NCOA3: variants seen among roughly 807,000 people sequenced by gnomAD.
The protein encoded by NCOA3 is CBP-interacting protein.
In NCOA3, 51 loss-of-function variants were observed where a neutral mutation model predicts 158.8. The ratio of observed to expected loss-of-function variants is 0.32; its 90% CI spans 0.26 to 0.41. The LOEUF (loss-of-function observed/expected upper bound fraction) is 0.41, where lower values mean the gene tolerates loss of function less well. Ranked by LOEUF, NCOA3 falls within the 10% of genes least tolerant of loss-of-function variation. The pLI is 1.00. For missense variants in NCOA3, 1,510 were observed against 1,746.6 expected (o/e 0.86, Z 2.41); for synonymous variants, 537 against 592.4 (o/e 0.91, Z 1.36).
chr20:47,601,691 A>T lies in NCOA3; in HGVS notation c.-20+18430A>T, dbSNP rs185990515. ...AACTTCTAATTGGAGTATGCTTTTG[A>T]ATCTGTGTAATATTTAACATATAAA... On this transcript the variant is annotated intron_variant, in intron 2 of 22. Coordinates refer to ENST00000371998, the MANE Select transcript of NCOA3 (RefSeq NM_181659.3). Among the ~76,000 whole-genome samples, 11 of 152,308 alleles carry T rather than the reference A, an allele frequency of 7.2e-5. No homozygotes were observed. In the East Asian group the frequency reaches 2.1e-3, roughly 29 times the overall value.
chr20:47,650,546 A>G (rs1181780879), intron 19 of NCOA3, among the ~76,000 whole-genome samples: 1 of 150,946 alleles, frequency 6.6e-6, no homozygotes, highest in Non-Finnish European at 1.5e-5. Context: ...CCACTGCACC[A>G]GGTCAGAAAG....
chr20:47,643,525 A>C (rs183756347), intron 17 of NCOA3, among the ~76,000 whole-genome samples: 1 of 152,144 alleles, frequency 6.6e-6, no homozygotes. Context: ...TAACCCATCA[A>C]TTCCTTCCTT....
At chr20:47,648,445 T>C (rs1455686491) in intron 18 of NCOA3, among the ~76,000 whole-genome samples, 1 of 151,898 alleles carries the variant, frequency 6.6e-6, no homozygotes, top group African/African-American at 2.4e-5. Flanking sequence ...ATCTTTTGAG[T>C]TTCTATTGTG....
chr20:47,624,052 A>G lies in NCOA3; in HGVS notation c.225A>G (p.Thr75=). ...ATAAATGTGCGATTTTAAAGGAAACAGTAAGACAGATACGTCAAATAAAAG... is the reference window on the plus strand; with the variant it reads ...ATAAATGTGCGATTTTAAAGGAAACGGTAAGACAGATACGTCAAATAAAAG... ...KPDKCAILKE[T]VRQIRQIKEQ... Residue 75 remains threonine (T), a synonymous_variant, in exon 4 of 23, where the codon ACA becomes ACG. Transcript: ENST00000371998. 2.5e-6 allele frequency: 4 copies of G among 1,611,186 alleles called. No homozygotes were observed. The highest frequency in any genetic ancestry group is 2.5e-6 in the Non-Finnish European group (3 of 1,179,194).
intron 2 of NCOA3, among the ~76,000 whole-genome samples, chr20:47,616,003 GA>G (rs1461212015): frequency 6.6e-6 from 1 of 151,630 alleles, no homozygotes; most frequent in Non-Finnish European, 1.5e-5. Flanking sequence ...ACTAAAAATA[GA>G]AAAACTAGGC....
rs1053297968 is a variant in NCOA3 at position 47,649,940 on chromosome 20, C to T, written c.3651+831C>T. Among the ~76,000 whole-genome samples, 156 of 151,802 alleles carry T rather than the reference C, an allele frequency of 1.0e-3. 1 individual carries two copies. The highest frequency in any genetic ancestry group is 0.01 in the Admixed American group (154 of 15,224). ...GCTTCTGCTTGCCCCTTACCTCTTT[C>T]TGAAAGTTTAAAGAAAGTTCAAGAT... On this transcript the variant is annotated intron_variant, in intron 19 of 22. Coordinates refer to ENST00000371998, the MANE Select transcript of NCOA3 (RefSeq NM_181659.3).
intron 1 of NCOA3, among the ~76,000 whole-genome samples, chr20:47,524,612 A>G (rs985896853): frequency 1.3e-5 from 2 of 152,214 alleles, no homozygotes; most frequent in African/African-American, 4.8e-5. Flanking sequence ...TGAAGGGACA[A>G]GTGAAGGGAG....
intron 1 of NCOA3, among the ~76,000 whole-genome samples, chr20:47,523,549 T>C (rs542875875): frequency 1.3e-5 from 2 of 152,314 alleles, no homozygotes; most frequent in African/African-American, 4.8e-5. Flanking sequence ...ACCAATTCCA[T>C]AAAGAAGACT....
At chr20:47,637,505 G>A in intron 12 of NCOA3, 143 bp from the exon 13 acceptor site, 1 of 529,820 alleles carries the variant, frequency 1.9e-6, no homozygotes, top group Non-Finnish European at 3.1e-6. Flanking sequence ...ATAATAAACT[G>A]GCCTTTCAGG....
intron 1 of NCOA3, among the ~76,000 whole-genome samples, chr20:47,541,352 C>T (rs1181383829): frequency 1.0e-3 from 6 of 5,718 alleles, no homozygotes; most frequent in East Asian, 9.8e-3. Flanking sequence ...CTCTCCCCTC[C>T]CCCCTCCCCT....
intron 1 of NCOA3, among the ~76,000 whole-genome samples, chr20:47,541,009 A>C (rs2084718797): frequency 6.6e-6 from 1 of 152,140 alleles, no homozygotes; most frequent in Non-Finnish European, 1.5e-5. Flanking sequence ...AATTTTTTTA[A>C]ATCTCCATAT....
chr20:47,609,234 C>T (rs1455609072), intron 2 of NCOA3, among the ~76,000 whole-genome samples: 1 of 152,154 alleles, frequency 6.6e-6, no homozygotes, highest in Non-Finnish European at 1.5e-5. Flanking sequence ...AATTCATCTA[C>T]CCCAAGCACT....
intron 1 of NCOA3, among the ~76,000 whole-genome samples, chr20:47,552,343 T>C (rs2084938401): frequency 6.6e-6 from 1 of 152,222 alleles, no homozygotes; most frequent in South Asian, 2.1e-4. Context: ...TTTCTGACTT[T>C]AAAAAATGCA....
intron 8 of NCOA3, chr20:47,631,129 C>T (rs6122601): frequency 2.6e-5 from 4 of 152,154 alleles, no homozygotes; most frequent in African/African-American, 9.7e-5. Context: ...TAGAAAAGGC[C>T]TGAAAGCTGA....
chr20:47,597,764 C>T (rs1283763250), intron 2 of NCOA3, among the ~76,000 whole-genome samples: 1 of 150,376 alleles, frequency 6.6e-6, no homozygotes, highest in Non-Finnish European at 1.5e-5. Context: ...GCTGGGATTA[C>T]AGGTGTGAGC....
intron 1 of NCOA3, among the ~76,000 whole-genome samples, chr20:47,542,357 T>C (rs1416494799): frequency 1.3e-5 from 2 of 151,994 alleles, no homozygotes; most frequent in Admixed American, 1.3e-4. Context: ...GAGTTTCTTA[T>C]TGTCTGGATT....
chr20:47,570,608 T>G (rs1020724575), intron 1 of NCOA3, among the ~76,000 whole-genome samples: 2 of 152,114 alleles, frequency 1.3e-5, no homozygotes, highest in Non-Finnish European at 2.9e-5. Context: ...CCATTAGAGT[T>G]GGAATCAACG....
At chr20:47,563,525 C>T (rs1443594324) in intron 1 of NCOA3, among the ~76,000 whole-genome samples, 1 of 152,142 alleles carries the variant, frequency 6.6e-6, no homozygotes, top group Non-Finnish European at 1.5e-5. Flanking sequence ...GCCCTCAATT[C>T]AGTTGCATAT....
At chr20:47,652,019 G>T (rs528205605) in intron 20 of NCOA3, among the ~76,000 whole-genome samples, 2 of 152,034 alleles carry the variant, frequency 1.3e-5, no homozygotes, top group Non-Finnish European at 2.9e-5. Context: ...CCTTTGAGAG[G>T]TTCCAGGAAC....
Sources: gnomAD v4.1 joint callset for allele counts (sites outside exome capture counted in the v4.1 genomes callset) on GRCh38, gnomAD v4.1.1 for gene constraint, MANE v1.5 for transcripts, NCBI Gene and HGNC (gene_info 2026-07-23, HGNC 2026-07-21) for gene names.